STPG2: variants seen among roughly 807,000 people sequenced by gnomAD.
The protein encoded by STPG2 is sperm-tail PG-rich repeat-containing protein 2.
STPG2 carries 56 observed loss-of-function variants against 54.2 expected under a neutral mutation model. The observed-to-expected ratio is 1.03, with a 90% CI of 0.83 to 1.29. The LOEUF (loss-of-function observed/expected upper bound fraction) is 1.29, where lower values mean the gene tolerates loss of function less well. Ranked by LOEUF, STPG2 falls within the 50% of genes most tolerant of loss-of-function variation. The probability of loss-of-function intolerance (pLI) is 0.00; values close to 1 mark genes in which losing one functional copy is unlikely to be tolerated. For synonymous variants in STPG2, 200 were observed against 181.8 expected, an observed-to-expected ratio of 1.10 and a Z score of -0.81; for missense variants, 596 against 544.9, an observed-to-expected ratio of 1.09 and a Z score of -0.93.
intron 8 of STPG2, among the ~76,000 whole-genome samples, chr4:97,887,861 C>A (rs2149171689): frequency 6.6e-6 from 1 of 152,270 alleles, no homozygotes; most frequent in East Asian, 1.9e-4. Flanking sequence ...TGAGCCAGGC[C>A]CAAGGGCCCA....
intron 8 of STPG2, among the ~76,000 whole-genome samples, chr4:97,929,894 GTTTT>G (rs1002846247): frequency 2.0e-5 from 3 of 151,704 alleles, no homozygotes; most frequent in Non-Finnish European, 4.4e-5. Context: ...CCATCTTCCA[GTTTT>G]TTTGTTTGTT....
At chr4:98,037,416 C>T (rs1185263957) in intron 5 of STPG2, among the ~76,000 whole-genome samples, 1 of 152,018 alleles carries the variant, frequency 6.6e-6, no homozygotes, top group Non-Finnish European at 1.5e-5. Context: ...TCAACACACA[C>T]TAATGAGTAT....
intron 8 of STPG2, among the ~76,000 whole-genome samples, chr4:97,878,676 C>A (rs1452632020): frequency 1.3e-5 from 2 of 152,138 alleles, no homozygotes; most frequent in Admixed American, 1.3e-4. Flanking sequence ...TTCCTCCTGG[C>A]CTCTGGGTCT....
chr4:97,890,160 C>T (rs116286273), intron 8 of STPG2, among the ~76,000 whole-genome samples: 1,558 of 152,104 alleles, frequency 0.01, 31 homozygotes, highest in African/African-American at 0.036. Flanking sequence ...CATGATAATC[C>T]TGAATGTTTC....
At chr4:97,486,595 GA>G (rs1730365068) in intron 4 of STPG2, among the ~76,000 whole-genome samples, 1 of 151,668 alleles carries the variant, frequency 6.6e-6, no homozygotes, top group Non-Finnish European at 1.5e-5. Context: ...AGCCACTATG[GA>G]AAACAGTGTG....
chr4:97,550,160 C>T (rs1464325976), intron 4 of STPG2, among the ~76,000 whole-genome samples: 2 of 152,022 alleles, frequency 1.3e-5, no homozygotes. Flanking sequence ...CTAAATGATA[C>T]TTTTAAATGA....
intron 10 of STPG2, among the ~76,000 whole-genome samples, chr4:97,638,240 G>C (rs1721629207): frequency 6.6e-6 from 1 of 152,090 alleles, no homozygotes; most frequent in South Asian, 2.1e-4. Flanking sequence ...ACAAGCAATG[G>C]GGAAAGGATT....
At chr4:97,642,163 T>A (rs1210583151) in intron 10 of STPG2, among the ~76,000 whole-genome samples, 2 of 151,374 alleles carry the variant, frequency 1.3e-5, no homozygotes, top group African/African-American at 4.8e-5. Flanking sequence ...GAGTGTTTTA[T>A]AGGAAGATGG....
intron 10 of STPG2, among the ~76,000 whole-genome samples, chr4:97,563,456 T>A (rs1172902053): frequency 6.6e-6 from 1 of 152,180 alleles, no homozygotes; most frequent in Non-Finnish European, 1.5e-5. Flanking sequence ...TGCTCTGATT[T>A]TAGTTATTTC....
intron 5 of STPG2, among the ~76,000 whole-genome samples, chr4:98,001,445 C>T (rs880473): frequency 0.27 from 41,478 of 151,534 alleles, 5,929 homozygotes; most frequent in Middle Eastern, 0.36. Flanking sequence ...CACAGAGTTC[C>T]TTAATGTCAG....
chr4:98,055,989 A>G (rs1191749858), intron 5 of STPG2, among the ~76,000 whole-genome samples: 1 of 151,964 alleles, frequency 6.6e-6, no homozygotes, highest in Non-Finnish European at 1.5e-5. Context: ...CTCCCTCCCC[A>G]TACGGCAGCT....
intron 8 of STPG2, among the ~76,000 whole-genome samples, chr4:97,901,288 G>A (rs1337156623): frequency 6.6e-6 from 1 of 151,848 alleles, no homozygotes; most frequent in Admixed American, 6.6e-5. Context: ...ACAAGACAAA[G>A]ATGCCCACTT....
intron 8 of STPG2, among the ~76,000 whole-genome samples, chr4:97,905,845 T>A (rs1731392521): frequency 1.3e-5 from 2 of 151,902 alleles, no homozygotes; most frequent in African/African-American, 4.8e-5. Flanking sequence ...CATACCAGAA[T>A]CTCTGGGACG....
At chr4:97,902,646 C>A (rs917704109) in intron 8 of STPG2, among the ~76,000 whole-genome samples, 4 of 152,006 alleles carry the variant, frequency 2.6e-5, no homozygotes, top group African/African-American at 7.2e-5. Flanking sequence ...TCAAAGGTAA[C>A]CGGTGTAGCT....
chr4:97,477,926 A>AT (rs1163108085), intron 4 of STPG2, among the ~76,000 whole-genome samples: 1 of 152,222 alleles, frequency 6.6e-6, no homozygotes, highest in African/African-American at 2.4e-5. Flanking sequence ...CTACTACGTG[A>AT]TAAAAACTAG....
intron 4 of STPG2, among the ~76,000 whole-genome samples, chr4:97,542,748 A>G (rs181393340): frequency 1.8e-4 from 28 of 152,346 alleles, no homozygotes; most frequent in Admixed American, 9.2e-4. Context: ...AGACTGGATT[A>G]AGAAAATGTG....
At chr4:98,074,888 C>T (rs1738112154) in intron 5 of STPG2, among the ~76,000 whole-genome samples, 1 of 152,152 alleles carries the variant, frequency 6.6e-6, no homozygotes, top group South Asian at 2.1e-4. Context: ...TCTTGATCAA[C>T]TAGGGGTTCT....
chr4:97,632,946 T>C (rs778278057), intron 10 of STPG2, among the ~76,000 whole-genome samples: 1 of 152,112 alleles, frequency 6.6e-6, no homozygotes, highest in South Asian at 2.1e-4. Flanking sequence ...TAATTATATT[T>C]AGAAGGGGGA....
chr4:97,831,972 A>G (rs767893682), intron 9 of STPG2, among the ~76,000 whole-genome samples: 15 of 152,206 alleles, frequency 9.9e-5, no homozygotes, highest in Non-Finnish European at 2.1e-4. Context: ...TCCTTCTGAA[A>G]CTATTGCAAA....
Sources: allele counts gnomAD v4.1 joint callset (sites outside exome capture counted in the v4.1 genomes callset), GRCh38; gene constraint gnomAD v4.1.1; transcripts MANE v1.5; gene names NCBI Gene and HGNC (gene_info 2026-07-23, HGNC 2026-07-21).